The following HDAC5 variants were observed in gnomAD, a reference collection of about 807,000 sequenced individuals.
HDAC5 encodes the protein antigen NY-CO-9.
Under a neutral mutation model 133.3 loss-of-function variants are expected in HDAC5, and 25 were observed. The ratio of observed to expected loss-of-function variants is 0.19; its 90% CI spans 0.14 to 0.26. The LOEUF (loss-of-function observed/expected upper bound fraction) is 0.26. HDAC5 is among the 10% of genes least tolerant of loss of function. HDAC5 has a pLI of 1.00. For synonymous variants in HDAC5, 589 were observed against 610.8 expected (o/e 0.96, Z 0.53); for missense variants, 1,041 against 1,460.5 (o/e 0.71, Z 4.68).
chr17:44,122,555 G>A (rs2053076006), intron 1 of HDAC5, among the ~76,000 whole-genome samples: 1 of 151,994 alleles, frequency 6.6e-6, no homozygotes, highest in South Asian at 2.1e-4. Context: ...TCCTCTTTAG[G>A]GACACACCTC....
At chr17:44,084,162 G>A (rs952534518) in intron 16 of HDAC5, among the ~76,000 whole-genome samples, 5 of 151,328 alleles carry the variant, frequency 3.3e-5, no homozygotes, top group Admixed American at 2.6e-4. Flanking sequence ...AGGGCTACAG[G>A]CTTAGCCACC....
rs116725116 is a variant in HDAC5 at position 44,117,193 on chromosome 17, G to A, written c.22+301C>T. Among the ~76,000 whole-genome samples, 79 of 152,328 alleles carry A rather than the reference G, an allele frequency of 5.2e-4. No individual in the cohort carries two copies. The highest frequency in any genetic ancestry group is 1.8e-3 in the African/African-American group (76 of 41,570). On this transcript the variant is annotated intron_variant, in intron 2 of 26. Coordinates refer to ENST00000682912, the MANE Select transcript of HDAC5 (RefSeq NM_005474.5). This position sits in a 1 kb window ranked among gnomAD's most constrained non-coding sequence, Gnocchi z 4.2. ...TTAAGGGATACACACTGCCCCCTCAGGCCCACCTGTCTTGGCTAGCAGGGG... is the reference window on the plus strand; with the variant it reads ...TTAAGGGATACACACTGCCCCCTCAAGCCCACCTGTCTTGGCTAGCAGGGG...
chr17:44,079,488 T>C (rs577568398), intron 23 of HDAC5, among the ~76,000 whole-genome samples: 4 of 150,828 alleles, frequency 2.7e-5, no homozygotes, highest in Admixed American at 6.6e-5. Flanking sequence ...AAAAATACAA[T>C]AATTAGCCGG....
At chr17:44,095,123 A>G (rs1275443870) in intron 3 of HDAC5, among the ~76,000 whole-genome samples, 2 of 152,160 alleles carry the variant, frequency 1.3e-5, no homozygotes, top group Non-Finnish European at 2.9e-5. Flanking sequence ...TTGATAGTCA[A>G]CATCTCTGGG....
chr17:44,099,298 A>G (rs1001682831), intron 3 of HDAC5, among the ~76,000 whole-genome samples: 1 of 151,926 alleles, frequency 6.6e-6, no homozygotes, highest in Non-Finnish European at 1.5e-5. Context: ...CCCCGCACCC[A>G]GCTCTATACT....
At chr17:44,094,880 G>A (rs932876537) in intron 3 of HDAC5, among the ~76,000 whole-genome samples, 3 of 152,046 alleles carry the variant, frequency 2.0e-5, no homozygotes, top group African/African-American at 7.2e-5. Flanking sequence ...CGTGGCTCAT[G>A]ACAGCCTCGA....
In HDAC5 at chr17:44,083,612, C is replaced by T; in HGVS notation, c.2396G>A (p.Ser799Asn). Residue 799 changes from serine to asparagine, a missense_variant, in exon 18 of 27, where the codon AGT becomes AAT. Transcript: ENST00000682912. ...DTVWNEMHSS[S>N]AVRMAVGCLL... ...GCAGCCCACTGCCATGCGCACAGCA[C>T]TGGAGGAGTGCATCTCATTCCACAC... The T allele has an allele frequency of 6.2e-7, 1 of 1,614,180 alleles. No homozygotes were observed. Among genetic ancestry groups the T allele is most frequent in the Non-Finnish European group, 8.5e-7 (1 of 1,180,036 alleles).
At chr17:44,099,514 G>A (rs1195368662) in intron 3 of HDAC5, among the ~76,000 whole-genome samples, 2 of 150,530 alleles carry the variant, frequency 1.3e-5, no homozygotes, top group African/African-American at 2.4e-5. Flanking sequence ...TCGCTCTGTT[G>A]CCCAGGCTGG....
chr17:44,110,305 C>T (rs919284783), intron 3 of HDAC5, among the ~76,000 whole-genome samples: 2 of 152,200 alleles, frequency 1.3e-5, no homozygotes, highest in African/African-American at 4.8e-5. Context: ...GCCAGAGGAG[C>T]TGGAGTAACC....
chr17:44,084,559 C>T lies in HDAC5; in HGVS notation c.2301G>A (p.Leu767=), dbSNP rs1241101824. The change falls in exon 16 of 27, where the codon TTG becomes TTA. Residue 767 remains leucine (L), a synonymous_variant. Transcript: ENST00000682912. The part of the protein sequence containing the change: ...LNRQKLDSKK[L]LGPISQKMYA... ...CCCACCCATGTGCCAGCTCACCGAG[C>T]AACTTCTTGCTGTCTAGCTTCTGCC... The T allele has an allele frequency of 1.2e-6, 2 of 1,614,050 alleles. No individual in the cohort carries two copies. The highest frequency in any genetic ancestry group is 4.5e-5 in the East Asian group (2 of 44,876).
At position 44,093,355 on chromosome 17, in the gene HDAC5, T is replaced by C. The variant is rs768681802; in HGVS notation, c.485A>G (p.Gln162Arg). Residue 162 changes from glutamine (Q) to arginine (R), a missense_variant, in exon 5 of 27, where the codon CAG becomes CGG. Coordinates refer to ENST00000682912, the MANE Select transcript of HDAC5 (RefSeq NM_005474.5). ...CTTGTTCCGCAGGATGAGCAGCTGC[T>C]GCTCCAGCCGCTGCTTCTCCAGCTC... Reference protein sequence around the residue: ...QEELEKQRLEQQLLILRNKEK... With the variant: ...QEELEKQRLERQLLILRNKEK... The C allele has an allele frequency of 8.0e-5, 126 of 1,579,468 alleles. No homozygotes were observed. The highest frequency in any genetic ancestry group is 8.1e-5 in the Non-Finnish European group (95 of 1,166,620).
At chr17:44,084,809 C>A in intron 15 of HDAC5, 134 bp from the exon 16 acceptor site, 1 of 1,329,722 alleles carries the variant, frequency 7.5e-7, no homozygotes, top group Non-Finnish European at 1.0e-6. Context: ...TAGATCCTGG[C>A]TCTGTCATGA....
intron 1 of HDAC5, among the ~76,000 whole-genome samples, chr17:44,122,216 GA>G (rs1276330697): frequency 4.6e-5 from 7 of 152,118 alleles, no homozygotes; most frequent in Non-Finnish European, 1.0e-4. Flanking sequence ...GGGTGCCTAG[GA>G]CTGGGGAGAC....
chr17:44,122,022 G>A (rs182818049), intron 1 of HDAC5, among the ~76,000 whole-genome samples: 1 of 152,260 alleles, frequency 6.6e-6, no homozygotes, highest in Non-Finnish European at 1.5e-5. Context: ...AAAGAGAGGA[G>A]TCAAGAAAAG....
chr17:44,106,377 A>ATGGTTCCTG (rs2051944846), intron 3 of HDAC5, among the ~76,000 whole-genome samples: 2 of 152,158 alleles, frequency 1.3e-5, no homozygotes, highest in Non-Finnish European at 2.9e-5. Context: ...CAAGGCTAGA[A>ATGGTTCCTG]TGGTTCCTGT....
At chr17:44,096,154 G>A (rs1213592200) in intron 3 of HDAC5, among the ~76,000 whole-genome samples, 1 of 152,308 alleles carries the variant, frequency 6.6e-6, no homozygotes, top group Admixed American at 6.5e-5. Context: ...CTCCAGCCAG[G>A]AAGGGGAAGG....
chr17:44,084,825 C>T, intron 15 of HDAC5, 150 bp from the exon 16 acceptor site: 1 of 1,276,614 alleles, frequency 7.8e-7, no homozygotes, highest in Non-Finnish European at 1.1e-6. Context: ...CATGACCTTA[C>T]TCCCGGATCC....
rs2050999715 is a variant in HDAC5 at position 44,092,427 on chromosome 17, G to A, written c.873C>T (p.Ser291=). The A allele has an allele frequency of 6.2e-7, 1 of 1,613,882 alleles. No homozygotes were observed. The highest frequency in any genetic ancestry group is 1.7e-5 in the Admixed American group (1 of 59,996). ...TCTCAACAGCTCTCTTCTTAAAGGTGCTAATAACAGTCCCATCCTTGCGAC... is the reference window on the plus strand; with the variant it reads ...TCTCAACAGCTCTCTTCTTAAAGGTACTAATAACAGTCCCATCCTTGCGAC... ...LLRRKDGTVI[S]TFKKRAVEIT... Residue 291 remains serine (S), a synonymous_variant, in exon 8 of 27, where the codon AGC becomes AGT. Transcript: ENST00000682912.
intron 14 of HDAC5, 37 bp from the exon 15 acceptor site, chr17:44,085,192 TG>T: frequency 6.5e-7 from 1 of 1,535,386 alleles, no homozygotes; most frequent in Non-Finnish European, 8.9e-7. Context: ...AGCACTGCTC[TG>T]GGCCCAGGAT....
Sources: allele counts gnomAD v4.1 joint callset (sites outside exome capture counted in the v4.1 genomes callset), GRCh38; gene constraint gnomAD v4.1.1; non-coding constraint Gnocchi (gnomAD v3.1); transcripts MANE v1.5; gene names NCBI Gene and HGNC (gene_info 2026-07-23, HGNC 2026-07-21).